CDYL2: variants seen among roughly 807,000 people sequenced by gnomAD.
The protein encoded by CDYL2 is chromodomain Y-like protein 2.
In CDYL2, 23 loss-of-function variants were observed where a neutral mutation model predicts 49.4. That is an observed-to-expected ratio of 0.47 (90% CI 0.34 to 0.66). The LOEUF (loss-of-function observed/expected upper bound fraction) is 0.66, where lower values mean the gene tolerates loss of function less well. CDYL2 is among the 30% of genes least tolerant of loss of function. The pLI is 0.01. For synonymous variants in CDYL2, 360 were observed against 268.8 expected (o/e 1.34, Z -3.32); for missense variants, 678 against 656.4 (o/e 1.03, Z -0.36).
intron 2 of CDYL2, among the ~76,000 whole-genome samples, chr16:80,654,556 A>G (rs916006449): frequency 5.9e-5 from 9 of 152,218 alleles, no homozygotes; most frequent in Admixed American, 4.6e-4. Context: ...AGAAGCCTAC[A>G]GGAATTGCCC....
At chr16:80,714,330 T>C (rs1056317280) in intron 1 of CDYL2, among the ~76,000 whole-genome samples, 2 of 151,992 alleles carry the variant, frequency 1.3e-5, no homozygotes, top group Admixed American at 6.5e-5. Flanking sequence ...AGAGAAGATT[T>C]TGAATGTTCC....
At chr16:80,776,303 G>C (rs1273389471) in intron 1 of CDYL2, among the ~76,000 whole-genome samples, 1 of 152,036 alleles carries the variant, frequency 6.6e-6, no homozygotes, top group African/African-American at 2.4e-5. Context: ...GAAAAGAATA[G>C]ATGTTTTGGA....
chr16:80,639,588 C>G (rs192940537), intron 2 of CDYL2: 8 of 436,660 alleles, frequency 1.8e-5, no homozygotes, highest in African/African-American at 6.1e-5. Flanking sequence ...TACCCTCCCC[C>G]CTGCAAGGAC....
chr16:80,748,796 C>A (rs559374745), intron 1 of CDYL2, among the ~76,000 whole-genome samples: 1 of 152,060 alleles, frequency 6.6e-6, no homozygotes, highest in Non-Finnish European at 1.5e-5. Flanking sequence ...CCTTGAGCTG[C>A]CCTTGTCTCT....
intron 1 of CDYL2, among the ~76,000 whole-genome samples, chr16:80,690,215 G>A (rs1178322579): frequency 6.6e-6 from 1 of 152,164 alleles, no homozygotes; most frequent in East Asian, 1.9e-4. Context: ...AACGGCAGCG[G>A]GAATGGATTT....
At chr16:80,663,846 C>A (rs892077949) in intron 2 of CDYL2, among the ~76,000 whole-genome samples, 7 of 152,210 alleles carry the variant, frequency 4.6e-5, no homozygotes, top group African/African-American at 1.7e-4. Context: ...ACCACCTTGG[C>A]CTCCCAAAGT....
chr16:80,754,613 C>G (rs1906246470), intron 1 of CDYL2, among the ~76,000 whole-genome samples: 2 of 152,154 alleles, frequency 1.3e-5, no homozygotes, highest in African/African-American at 4.8e-5. Context: ...TGCTGTGACT[C>G]TGGACAAGTC....
At chr16:80,739,046 T>C (rs1905641296) in intron 1 of CDYL2, among the ~76,000 whole-genome samples, 1 of 152,222 alleles carries the variant, frequency 6.6e-6, no homozygotes, top group South Asian at 2.1e-4. Context: ...AAACGTGGTA[T>C]ACACACACAA....
At chr16:80,611,893 G>A (rs58832100) in intron 5 of CDYL2, among the ~76,000 whole-genome samples, 1,884 of 152,304 alleles carry the variant, frequency 0.012, 33 homozygotes, top group African/African-American at 0.043. Flanking sequence ...AGTGGACTCC[G>A]CCGCCTCTGT....
intron 2 of CDYL2, among the ~76,000 whole-genome samples, chr16:80,682,376 G>T (rs1331484724): frequency 6.6e-6 from 1 of 152,162 alleles, no homozygotes. Flanking sequence ...CAACAGGTTG[G>T]CCCTCACCTG....
chr16:80,714,050 T>C (rs534753852), intron 1 of CDYL2, among the ~76,000 whole-genome samples: 25 of 152,286 alleles, frequency 1.6e-4, no homozygotes, highest in African/African-American at 6.0e-4. Flanking sequence ...CTATCTAAAT[T>C]CCTGACCCTC....
chr16:80,745,520 G>A (rs528664644), intron 1 of CDYL2, among the ~76,000 whole-genome samples: 1 of 152,226 alleles, frequency 6.6e-6, no homozygotes, highest in East Asian at 1.9e-4. Context: ...TCCCTAAAAA[G>A]AATATAAAAA....
chr16:80,629,253 G>A (rs1907443567), intron 3 of CDYL2, among the ~76,000 whole-genome samples: 1 of 152,210 alleles, frequency 6.6e-6, no homozygotes, highest in African/African-American at 2.4e-5. Flanking sequence ...GGATTACAGG[G>A]CAGGAAGCAT....
At chr16:80,731,127 A>T (rs1326759115) in intron 1 of CDYL2, among the ~76,000 whole-genome samples, 1 of 152,232 alleles carries the variant, frequency 6.6e-6, no homozygotes. Context: ...ACTTCCATAA[A>T]GCTATTAAAT....
Position 80,612,263 on chromosome 16 carries a change from G to A in CDYL2, c.1218+363C>T, listed in dbSNP as rs551848228. On this transcript the variant is annotated intron_variant, in intron 5 of 6. Coordinates refer to ENST00000570137, the MANE Select transcript of CDYL2 (RefSeq NM_152342.4). The surrounding 1 kb of genome is among the most constrained non-coding windows in gnomAD (Gnocchi z 5.0). Reference sequence around the variant, plus strand: ...GACACCTGGGTCCCCAGAGAGTGTGGGTGGCCCCTACACCTATGCTGGACC... The same window carrying A: ...GACACCTGGGTCCCCAGAGAGTGTGAGTGGCCCCTACACCTATGCTGGACC... 7.2e-5 allele frequency among the ~76,000 whole-genome samples: 11 copies of A among 152,240 alleles called. No individual in the cohort carries two copies. In the South Asian group the frequency reaches 2.1e-3, roughly 29 times the overall value.
intron 1 of CDYL2, among the ~76,000 whole-genome samples, chr16:80,719,759 A>C (rs1443003708): frequency 6.6e-6 from 1 of 152,276 alleles, no homozygotes; most frequent in Non-Finnish European, 1.5e-5. Context: ...CAAGCTTCAC[A>C]CTATGTAGTC....
Position 80,684,524 on chromosome 16 carries a change from G to C in CDYL2, c.616+14C>G. On this transcript the variant is annotated intron_variant, in intron 2 of 6. Transcript: ENST00000570137. ...TGGCCAGAGCCAAACCCAAGAGAAA[G>C]AAAAGCTACAAACCGAGCCCGTTCT... is the stretch of plus-strand genomic sequence containing the variant. 1 of 1,602,856 alleles carries C rather than the reference G, an allele frequency of 6.2e-7. No homozygotes were observed. The highest frequency in any genetic ancestry group is 8.5e-7 in the Non-Finnish European group (1 of 1,173,344).
intron 4 of CDYL2, among the ~76,000 whole-genome samples, chr16:80,613,948 A>C (rs2142367235): frequency 6.6e-6 from 1 of 152,318 alleles, no homozygotes; most frequent in African/African-American, 2.4e-5. Flanking sequence ...CTCACTGTGC[A>C]TGAGCCACAT....
intron 1 of CDYL2, among the ~76,000 whole-genome samples, chr16:80,727,767 G>A (rs1381861173): frequency 6.6e-6 from 1 of 152,222 alleles, no homozygotes; most frequent in African/African-American, 2.4e-5. Context: ...TGGGCAGACT[G>A]CCTCCTCAAG....
Sources: gnomAD v4.1 joint callset for allele counts (sites outside exome capture counted in the v4.1 genomes callset) on GRCh38, gnomAD v4.1.1 for gene constraint, Gnocchi (gnomAD v3.1) non-coding constraint, MANE v1.5 for transcripts, NCBI Gene and HGNC (gene_info 2026-07-23, HGNC 2026-07-21) for gene names.